The following PLCB1 variants were observed in gnomAD, a reference collection of about 807,000 sequenced individuals.
PLCB1 encodes phospholipase C beta 1, also known as 1-phosphatidylinositol 4,5-bisphosphate phosphodiesterase beta-1.
In PLCB1, 46 loss-of-function variants were observed where a neutral mutation model predicts 161.8. The observed-to-expected ratio is 0.28, with a 90% CI of 0.22 to 0.36. The LOEUF (loss-of-function observed/expected upper bound fraction) is 0.36. Among genes scored for constraint, PLCB1 ranks in the 10% least tolerant of loss-of-function variants. PLCB1 has a pLI of 1.00. For missense variants in PLCB1, 1,016 were observed against 1,472.5 expected (o/e 0.69, Z 5.07); for synonymous variants, 517 against 503.7 (o/e 1.03, Z -0.35).
At chr20:8,698,473 A>T (rs937052711) in intron 11 of PLCB1, among the ~76,000 whole-genome samples, 1 of 152,200 alleles carries the variant, frequency 6.6e-6, no homozygotes, top group Non-Finnish European at 1.5e-5. Flanking sequence ...TTTCTTTATC[A>T]TGATGATAGT....
chr20:8,523,494 CTCTATATATATAT>C lies in PLCB1; in HGVS notation c.247-104799_247-104787del, dbSNP rs1984452856. Reference sequence around the variant, plus strand: ...TCTCTCTCTCTCTCTCTCTCTCTCTCTCTATATATATATATATATATATATATGGAGAGAGACA... The same window carrying C: ...TCTCTCTCTCTCTCTCTCTCTCTCTCATATATATATATATGGAGAGAGACA... On this transcript the variant is annotated intron_variant, in intron 3 of 31. Transcript: ENST00000338037. Among the ~76,000 whole-genome samples the C allele has an allele frequency of 4.0e-5, 2 of 49,584 alleles. 1 individual carries two copies. Among genetic ancestry groups the C allele is most frequent in the Non-Finnish European group, 8.7e-5 (2 of 23,084 alleles). 32.5% of individuals were successfully genotyped at this position (49,584 alleles called of 152,430 possible).
chr20:8,226,376 C>CAACTGAGCACACTG (rs1979684961), intron 2 of PLCB1, among the ~76,000 whole-genome samples: 1 of 152,070 alleles, frequency 6.6e-6, no homozygotes, highest in Admixed American at 6.6e-5. Context: ...TTTGACTGTG[C>CAACTGAGCACACTG]CCAGGTCATA....
intron 3 of PLCB1, among the ~76,000 whole-genome samples, chr20:8,566,343 A>C (rs1986334733): frequency 6.6e-6 from 1 of 152,184 alleles, no homozygotes; most frequent in Non-Finnish European, 1.5e-5. Flanking sequence ...ATGTGAACCT[A>C]GTGTTTACCT....
intron 3 of PLCB1, among the ~76,000 whole-genome samples, chr20:8,403,731 G>T (rs1262891633): frequency 6.6e-6 from 1 of 152,196 alleles, no homozygotes; most frequent in South Asian, 2.1e-4. Flanking sequence ...CTGCAAGACA[G>T]ATTGTGGATT....
intron 2 of PLCB1, among the ~76,000 whole-genome samples, chr20:8,151,953 G>C (rs1305993106): frequency 6.6e-6 from 1 of 152,078 alleles, no homozygotes; most frequent in African/African-American, 2.4e-5. Flanking sequence ...TAGGACCAAA[G>C]GCTCTTTGTT....
chr20:8,213,975 A>C (rs1399915856), intron 2 of PLCB1, among the ~76,000 whole-genome samples: 1 of 152,078 alleles, frequency 6.6e-6, no homozygotes, highest in Non-Finnish European at 1.5e-5. Flanking sequence ...CACAACTAGC[A>C]GTTCTGTTAT....
At chr20:8,592,632 T>C (rs962193966) in intron 3 of PLCB1, among the ~76,000 whole-genome samples, 2 of 152,218 alleles carry the variant, frequency 1.3e-5, no homozygotes, top group Non-Finnish European at 2.9e-5. Context: ...CTGTGTGTTG[T>C]GCACCTGCAT....
In PLCB1 at chr20:8,227,299, G is replaced by T. The variant is rs76587935; in HGVS notation, c.177+76928G>T. On this transcript the variant is annotated intron_variant, in intron 2 of 31. Transcript: ENST00000338037. Reference sequence around the variant, plus strand: ...AAAACAATAAATAAACTCTTAGGATGGTGCGGCTTTGCCTGTCTACATTAG... The same window carrying T: ...AAAACAATAAATAAACTCTTAGGATTGTGCGGCTTTGCCTGTCTACATTAG... Among the ~76,000 whole-genome samples, 479 of 152,252 alleles carry T rather than the reference G, an allele frequency of 3.1e-3. 18 individuals are homozygous for T. In the East Asian group the frequency reaches 0.076, roughly 24 times the overall value.
chr20:8,167,167 T>A (rs546928570), intron 2 of PLCB1, among the ~76,000 whole-genome samples: 1 of 152,178 alleles, frequency 6.6e-6, no homozygotes, highest in Admixed American at 6.5e-5. Context: ...CTCATAAGCT[T>A]ACAAGCTTTC....
At chr20:8,425,420 T>C (rs906042407) in intron 3 of PLCB1, among the ~76,000 whole-genome samples, 3 of 152,138 alleles carry the variant, frequency 2.0e-5, no homozygotes, top group Non-Finnish European at 2.9e-5. Context: ...GCCTCAATCA[T>C]GTTATCTATG....
chr20:8,762,868 G>C (rs6118314), intron 25 of PLCB1, among the ~76,000 whole-genome samples: 1 of 151,974 alleles, frequency 6.6e-6, no homozygotes, highest in Non-Finnish European at 1.5e-5. Flanking sequence ...TTCTATTCAG[G>C]TCTCTTGTTA....
intron 27 of PLCB1, among the ~76,000 whole-genome samples, chr20:8,777,746 C>T (rs566456087): frequency 5.7e-4 from 87 of 151,656 alleles, no homozygotes; most frequent in Non-Finnish European, 1.1e-3. Context: ...AGTCTGGACA[C>T]CCCAATATTA....
intron 2 of PLCB1, among the ~76,000 whole-genome samples, chr20:8,286,282 C>G (rs1211784258): frequency 9.2e-5 from 14 of 152,164 alleles, no homozygotes; most frequent in Admixed American, 7.9e-4. Context: ...CAAGATGGTG[C>G]CACTGCACTC....
intron 16 of PLCB1, among the ~76,000 whole-genome samples, chr20:8,725,027 C>T (rs755322365): frequency 6.6e-6 from 1 of 152,116 alleles, no homozygotes; most frequent in Admixed American, 6.6e-5. Flanking sequence ...CGGAAAGACA[C>T]ATGACCAGAG....
At chr20:8,297,414 C>T (rs1008402095) in intron 2 of PLCB1, among the ~76,000 whole-genome samples, 3 of 151,890 alleles carry the variant, frequency 2.0e-5, no homozygotes, top group African/African-American at 7.3e-5. Flanking sequence ...TAATAATGTT[C>T]AATATCTGGA....
intron 3 of PLCB1, among the ~76,000 whole-genome samples, chr20:8,405,067 C>T (rs938802900): frequency 6.6e-6 from 1 of 152,154 alleles, no homozygotes; most frequent in African/African-American, 2.4e-5. Flanking sequence ...GTCTTATTCT[C>T]AAGCTCTAAC....
intron 2 of PLCB1, among the ~76,000 whole-genome samples, chr20:8,299,392 TCA>T (rs11467326): frequency 2.0e-3 from 305 of 151,548 alleles, no homozygotes; most frequent in Non-Finnish European, 3.6e-3. Context: ...AGTAACCATC[TCA>T]CACACACACA....
At chr20:8,284,045 T>C (rs1983000166) in intron 2 of PLCB1, among the ~76,000 whole-genome samples, 1 of 151,954 alleles carries the variant, frequency 6.6e-6, no homozygotes, top group South Asian at 2.1e-4. Flanking sequence ...TGTTACAATA[T>C]TTAGAATAAA....
At chr20:8,637,986 T>C (rs1988816146) in intron 4 of PLCB1, among the ~76,000 whole-genome samples, 1 of 152,204 alleles carries the variant, frequency 6.6e-6, no homozygotes, top group East Asian at 1.9e-4. Flanking sequence ...CTCTGCCTCC[T>C]GGGCTCACCC....
Sources: gnomAD v4.1 joint callset for allele counts (sites outside exome capture counted in the v4.1 genomes callset) on GRCh38, gnomAD v4.1.1 for gene constraint, MANE v1.5 for transcripts, NCBI Gene and HGNC (gene_info 2026-07-23, HGNC 2026-07-21) for gene names.